Variants in CUX1 observed in about 807,000 individuals in gnomAD.
The protein encoded by CUX1 is protein CASP.
Under a neutral mutation model 158.8 loss-of-function variants are expected in CUX1, and 31 were observed. The observed-to-expected ratio is 0.20, with a 90% CI of 0.15 to 0.26. The LOEUF (loss-of-function observed/expected upper bound fraction) is 0.26, where lower values mean the gene tolerates loss of function less well. Ranked by LOEUF, CUX1 falls within the 10% of genes least tolerant of loss-of-function variation. The pLI is 1.00. For missense variants in CUX1, 1,589 were observed against 2,014.6 expected (o/e 0.79, Z 4.04); for synonymous variants, 879 against 862.1 (o/e 1.02, Z -0.34).
intron 14 of CUX1, among the ~76,000 whole-genome samples, chr7:102,196,103 C>A (rs1038804847): frequency 2.0e-5 from 3 of 152,206 alleles, no homozygotes; most frequent in Non-Finnish European, 2.9e-5. Context: ...CTTGACTGTG[C>A]TTCTGGTTTG....
At chr7:102,147,798 A>C (rs532771960) in intron 8 of CUX1, among the ~76,000 whole-genome samples, 7 of 151,996 alleles carry the variant, frequency 4.6e-5, no homozygotes, top group African/African-American at 1.5e-4. Context: ...GGAGTTCGAG[A>C]CCAGCCTGGC....
intron 8 of CUX1, among the ~76,000 whole-genome samples, chr7:102,152,714 G>A (rs409419): frequency 0.21 from 31,257 of 152,122 alleles, 5,213 homozygotes; most frequent in African/African-American, 0.46. Context: ...AATAATCAGA[G>A]CGTTTCCTCG....
Position 102,196,669 on chromosome 7 carries a change from A to G in CUX1, c.1258A>G (p.Ser420Gly), listed in dbSNP as rs782550721. The change falls in exon 15 of 24, where the codon AGT becomes GGT. Residue 420 changes from serine (S) to glycine (G), a missense_variant. Physicochemically the swap from Ser to Gly is moderately conservative, Grantham distance 56 (BLOSUM62 0). Around this residue, in one of 8 missense-constraint regions of CUX1, gnomAD observed 515 missense variants for 574.4 expected, o/e 0.90. Coordinates refer to ENST00000292535, the MANE Select transcript of CUX1 (RefSeq NM_181552.4). The part of the protein sequence containing the change: ...ARRKGKDQPE[S>G]RRPGSLPAPP... ...GAGGAAAGGGAAAGACCAGCCTGAA[A>G]GTCGGCGCCCGGGATCTTTGCCGGC... 1 of 1,590,884 alleles carries G rather than the reference A, an allele frequency of 6.3e-7. No individual in the cohort carries two copies. The highest frequency in any genetic ancestry group is 1.1e-5 in the South Asian group (1 of 88,234).
Position 102,170,570 on chromosome 7 carries a change from T to G in CUX1, c.828+20T>G. On this transcript the variant is annotated intron_variant, in intron 10 of 23. Transcript: ENST00000292535. ...GACGTGGTGGGTAGCCCCGGCCCCG[T>G]GGGGGACTGTCCCCGCCTGGCCTCC... 6.5e-6 allele frequency: 10 copies of G among 1,537,894 alleles called. No homozygotes were observed. The highest frequency in any genetic ancestry group is 7.9e-6 in the Non-Finnish European group (9 of 1,132,094).
At chr7:101,851,367 C>G (rs1008895670) in intron 1 of CUX1, among the ~76,000 whole-genome samples, 4 of 152,124 alleles carry the variant, frequency 2.6e-5, no homozygotes, top group South Asian at 2.1e-4. Flanking sequence ...AGCTGGGTCT[C>G]CCATTCCTCA....
intron 2 of CUX1, among the ~76,000 whole-genome samples, chr7:101,930,459 T>A (rs1806161471): frequency 6.6e-6 from 1 of 152,176 alleles, no homozygotes; most frequent in African/African-American, 2.4e-5. Context: ...CTCTGATACT[T>A]GCTGTCTTCG....
At chr7:102,124,373 A>G (rs201511) in intron 8 of CUX1, among the ~76,000 whole-genome samples, 95,982 of 152,192 alleles carry the variant, frequency 0.63, 31,817 homozygotes, top group African/African-American at 0.8. Context: ...TTGCAGGCAT[A>G]CCTGCACTCA....
Position 102,254,440 on chromosome 7 carries a change from A to C in CUX1, c.*5398A>C, listed in dbSNP as rs1007305274. 9.7e-5 allele frequency: 96 copies of C among 985,372 alleles called. No individual in the cohort carries two copies. Among genetic ancestry groups the C allele is most frequent in the Non-Finnish European group, 1.0e-4 (87 of 829,984 alleles). The allele number at this position is 985,372 out of a possible 1,614,324, so 61.0% of individuals were successfully genotyped here. On this transcript the variant is annotated 3_prime_UTR_variant, in exon 24 of 24. Coordinates refer to ENST00000292535, the MANE Select transcript of CUX1 (RefSeq NM_181552.4). The stretch of plus-strand genomic sequence containing the variant: ...AAGGATAGATGGCTTCCTCCAGCCT[A>C]CACGCCCCGTCCACAGTGGCATCAC...
At chr7:102,175,199 C>G in intron 10 of CUX1, among the ~76,000 whole-genome samples, 1 of 152,188 alleles carries the variant, frequency 6.6e-6, no homozygotes. Context: ...CCGGTCCCCA[C>G]TCTGGGTCCA....
In CUX1 at chr7:102,257,430, A is replaced by G. The variant is rs1289067237; in HGVS notation, c.*8388A>G. The G allele has an allele frequency of 4.1e-6, 4 of 985,206 alleles. No individual in the cohort carries two copies. The Admixed American group carries it at 2.5e-4, about 61-fold the overall frequency. The allele number at this position is 985,206 out of a possible 1,614,324, so 61.0% of individuals were successfully genotyped here. On this transcript the variant is annotated 3_prime_UTR_variant, in exon 24 of 24. Transcript: ENST00000292535. ...CATCTGAGACCTCTTGGAAAAAAAA[A>G]ATCCCGTGTATTCTGGAGATGTGAG...
At chr7:102,216,759 CA>C (rs1327052476) in intron 20 of CUX1, among the ~76,000 whole-genome samples, 2 of 147,026 alleles carry the variant, frequency 1.4e-5, no homozygotes, top group Non-Finnish European at 1.5e-5. Flanking sequence ...TGCACACACA[CA>C]CTCTTCCACA....
chr7:102,143,643 G>C (rs1834705647), intron 8 of CUX1, among the ~76,000 whole-genome samples: 1 of 152,194 alleles, frequency 6.6e-6, no homozygotes, highest in African/African-American at 2.4e-5. Flanking sequence ...TCTTCTTATA[G>C]AGATGTGCTC....
chr7:102,165,861 G>A (rs1359756819), intron 9 of CUX1, among the ~76,000 whole-genome samples: 1 of 152,102 alleles, frequency 6.6e-6, no homozygotes, highest in Non-Finnish European at 1.5e-5. Flanking sequence ...ACCTTCCCCA[G>A]AGAAGCGAGG....
chr7:101,886,412 G>T (rs1181445606), intron 1 of CUX1, among the ~76,000 whole-genome samples: 1 of 152,114 alleles, frequency 6.6e-6, no homozygotes, highest in African/African-American at 2.4e-5. Flanking sequence ...TGTTGCCCAG[G>T]CTGGTCTCAA....
chr7:102,278,652 AATAAAAAAAT>A (rs1434625580), intron 18 of CUX1, among the ~76,000 whole-genome samples: 2 of 69,674 alleles, frequency 2.9e-5, no homozygotes, highest in African/African-American at 7.9e-5. Context: ...AATAAAATAA[AATAAAAAAAT>A]AAAATAAAAT....
chr7:102,158,587 G>A lies in CUX1; in HGVS notation c.702G>A (p.Thr234=), dbSNP rs782270807. 2.5e-6 allele frequency: 4 copies of A among 1,613,632 alleles called. No homozygotes were observed. Among genetic ancestry groups the A allele is most frequent in the Non-Finnish European group, 3.4e-6 (4 of 1,179,822 alleles). The change falls in exon 9 of 24, where the codon ACG becomes ACA. Residue 234 remains threonine (T), a synonymous_variant. Coordinates refer to ENST00000292535, the MANE Select transcript of CUX1 (RefSeq NM_181552.4). The part of the protein sequence containing the change: ...AKADEIEMIM[T]DLERANQRAE... ...CCGACGAGATTGAAATGATCATGAC[G>A]GACCTTGAAAGGGCAAACCAGGTAG...
chr7:101,984,109 TATATATATATATATATATATAC>T lies in CUX1; in HGVS notation c.142-43987_142-43966del, dbSNP rs1276841554. ...AAAAAAATATATATATATATATATA[TATATATATATATATATATATAC>T]ACACACACATATATATATGTGTGTG... On this transcript the variant is annotated intron_variant, in intron 2 of 23. Transcript: ENST00000292535. Among the ~76,000 whole-genome samples the T allele has an allele frequency of 7.3e-4, 29 of 39,950 alleles. 3 individuals carry two copies. The highest frequency in any genetic ancestry group is 3.7e-3 in the East Asian group (10 of 2,724). 26.2% of individuals were successfully genotyped at this position (39,950 alleles called of 152,430 possible).
At position 102,254,168 on chromosome 7, in the gene CUX1, T is replaced by TAA; in HGVS notation, c.*5126_*5127insAA. 9 of 985,590 alleles carry TAA rather than the reference T, an allele frequency of 9.1e-6. No homozygotes were observed. Among genetic ancestry groups the TAA allele is most frequent in the Non-Finnish European group, 1.1e-5 (9 of 830,066 alleles). The allele number at this position is 985,590 out of a possible 1,614,324, so 61.1% of individuals were successfully genotyped here. ...CACCTGTTCCCAAAGCTCCAGCAGC[T>TAA]GTTTCTTTTGCAGGCAGGGCGTGGT... On this transcript the variant is annotated 3_prime_UTR_variant, in exon 24 of 24. Coordinates refer to ENST00000292535, the MANE Select transcript of CUX1 (RefSeq NM_181552.4).
At chr7:101,926,182 T>C (rs1414793880) in intron 2 of CUX1, among the ~76,000 whole-genome samples, 1 of 152,228 alleles carries the variant, frequency 6.6e-6, no homozygotes, top group African/African-American at 2.4e-5. Flanking sequence ...CTTGTGTGTT[T>C]AATCATTCTA....
Sources: gnomAD v4.1 joint callset for allele counts (sites outside exome capture counted in the v4.1 genomes callset) on GRCh38, gnomAD v4.1.1 for gene constraint, gnomAD v4.1.1 regional missense constraint, MANE v1.5 for transcripts, NCBI Gene and HGNC (gene_info 2026-07-23, HGNC 2026-07-21) for gene names.